Variants in SLC7A1 observed in about 807,000 individuals in gnomAD.
SLC7A1 encodes high affinity cationic amino acid transporter 1.
In SLC7A1, 10 loss-of-function variants were observed where a neutral mutation model predicts 53.9. The observed-to-expected ratio is 0.19, with a 90% CI of 0.11 to 0.31. The LOEUF (loss-of-function observed/expected upper bound fraction) is 0.31, where lower values mean the gene tolerates loss of function less well. Among genes scored for constraint, SLC7A1 ranks in the 10% least tolerant of loss-of-function variants. The pLI, the probability that SLC7A1 is intolerant of heterozygous loss-of-function variation, is 1.00. For synonymous variants in SLC7A1, 342 were observed against 338.7 expected (o/e 1.01, Z -0.11); for missense variants, 525 against 827.2 (o/e 0.63, Z 4.48).
chr13:29,580,279 A>G (rs1296284199), intron 1 of SLC7A1, among the ~76,000 whole-genome samples: 2 of 152,180 alleles, frequency 1.3e-5, no homozygotes, highest in Non-Finnish European at 1.5e-5. Context: ...AGTCCCCAGG[A>G]GGACTCCCGA....
intron 1 of SLC7A1, among the ~76,000 whole-genome samples, chr13:29,571,181 A>G (rs1017457788): frequency 2.0e-5 from 3 of 152,360 alleles, no homozygotes; most frequent in Middle Eastern, 3.4e-3. Flanking sequence ...GTATTTTGTA[A>G]TCACCAAAGT....
intron 2 of SLC7A1, among the ~76,000 whole-genome samples, chr13:29,544,865 A>AT (rs1431987137): frequency 1.4e-4 from 3 of 21,022 alleles, no homozygotes; most frequent in African/African-American, 1.9e-4. Flanking sequence ...CACCTGCCTC[A>AT]TCGGGGGGGG....
chr13:29,536,145 C>T lies in SLC7A1; in HGVS notation c.44G>A (p.Arg15Gln), dbSNP rs1416819925. ...VLLNIGQQML[R>Q]RKVVDCSREE... ...CCGGCTACAGTCCACCACCTTCCGC[C>T]GCAGCATCTGCTGCCCAATGTTGAG... The change falls in exon 3 of 13, where the codon CGG becomes CAG. Residue 15 changes from arginine (R) to glutamine (Q), a missense_variant. Physicochemically the swap from Arg to Gln is conservative, Grantham distance 43. This residue lies in a region of SLC7A1 where 354 missense variants were observed against 587.5 expected (regional missense o/e 0.60). Transcript: ENST00000380752. The T allele has an allele frequency of 5.0e-6, 8 of 1,613,842 alleles. No individual in the cohort carries two copies. Among genetic ancestry groups the T allele is most frequent in the East Asian group, 4.5e-5 (2 of 44,900 alleles).
intron 5 of SLC7A1, among the ~76,000 whole-genome samples, chr13:29,525,236 G>A (rs1303589626): frequency 6.6e-6 from 1 of 152,224 alleles, no homozygotes; most frequent in African/African-American, 2.4e-5. Context: ...ACTCCTTGTG[G>A]TTCAAGAAGG....
At chr13:29,585,871 AT>A in intron 1 of SLC7A1, among the ~76,000 whole-genome samples, 1 of 152,266 alleles carries the variant, frequency 6.6e-6, no homozygotes, top group Non-Finnish European at 1.5e-5. Context: ...GGGAAGCTGC[AT>A]TTTTAGATAA....
chr13:29,567,628 T>C (rs916424020), intron 1 of SLC7A1, among the ~76,000 whole-genome samples: 3 of 152,142 alleles, frequency 2.0e-5, no homozygotes, highest in Admixed American at 2.0e-4. Flanking sequence ...TCCTGGGTGT[T>C]TACAAGCTGC....
At chr13:29,531,704 C>A (rs192937753) in intron 4 of SLC7A1, among the ~76,000 whole-genome samples, 1 of 151,988 alleles carries the variant, frequency 6.6e-6, no homozygotes, top group East Asian at 1.9e-4. Context: ...TGTGGTGGTG[C>A]GTGTCTGTAA....
intron 11 of SLC7A1, chr13:29,516,856 C>G (rs767870718): frequency 3.0e-6 from 1 of 329,094 alleles, no homozygotes; most frequent in Non-Finnish European, 5.5e-6. Context: ...AAATAGATGC[C>G]GAATATCCAG....
chr13:29,590,092 G>A (rs1348344432), intron 1 of SLC7A1, among the ~76,000 whole-genome samples: 1 of 152,112 alleles, frequency 6.6e-6, no homozygotes. Context: ...CTTCGAACAC[G>A]TCCATAACAG....
chr13:29,554,059 G>A (rs1484635419), intron 1 of SLC7A1, among the ~76,000 whole-genome samples, 199 bp from the exon 2 acceptor site: 4 of 152,202 alleles, frequency 2.6e-5, no homozygotes, highest in African/African-American at 4.8e-5. Flanking sequence ...GAGAAGATGG[G>A]GAGCCAGAAT....
intron 1 of SLC7A1, among the ~76,000 whole-genome samples, chr13:29,571,885 T>C (rs928345734): frequency 2.6e-5 from 4 of 152,234 alleles, no homozygotes; most frequent in African/African-American, 9.6e-5. Flanking sequence ...GCATTTTTTG[T>C]TTTGCTCATC....
intron 1 of SLC7A1, among the ~76,000 whole-genome samples, chr13:29,566,599 T>C (rs139141366): frequency 2.6e-5 from 4 of 152,332 alleles, no homozygotes; most frequent in Non-Finnish European, 5.9e-5. Context: ...AGTGGTTGTG[T>C]ACGGCTTGGC....
chr13:29,556,228 T>C (rs1870433238), intron 1 of SLC7A1, among the ~76,000 whole-genome samples: 1 of 152,060 alleles, frequency 6.6e-6, no homozygotes, highest in African/African-American at 2.4e-5. Context: ...CTGGCAAATA[T>C]GTAAAACAAT....
rs529626000 is a variant in SLC7A1 at position 29,572,590 on chromosome 13, A to G, written c.-114-18730T>C. ...AATATGAAGGGAATGAGCCCAAGGTAACTCTGAAATCCTAAACTTGGATTT... is the reference window on the plus strand; with the variant it reads ...AATATGAAGGGAATGAGCCCAAGGTGACTCTGAAATCCTAAACTTGGATTT... On this transcript the variant is annotated intron_variant, in intron 1 of 12. Coordinates refer to ENST00000380752, the MANE Select transcript of SLC7A1 (RefSeq NM_003045.5). Among the ~76,000 whole-genome samples, 5 of 152,300 alleles carry G rather than the reference A, an allele frequency of 3.3e-5. No homozygotes were observed. In the South Asian group the frequency reaches 1.0e-3, roughly 32 times the overall value.
At chr13:29,533,878 G>A (rs140845017) in intron 3 of SLC7A1, among the ~76,000 whole-genome samples, 8 of 152,242 alleles carry the variant, frequency 5.3e-5, no homozygotes, top group South Asian at 2.1e-4. Context: ...TTTTCAAAGC[G>A]GGCCTTGTCG....
chr13:29,521,595 G>C (rs911952588), intron 8 of SLC7A1, among the ~76,000 whole-genome samples: 4 of 152,188 alleles, frequency 2.6e-5, no homozygotes, highest in Non-Finnish European at 5.9e-5. Context: ...GCGGGCGTCT[G>C]CCTCTCGGGG....
chr13:29,514,324 G>A lies in SLC7A1; in HGVS notation c.*156C>T. The A allele has an allele frequency of 4.9e-6, 3 of 615,432 alleles. No homozygotes were observed. In the South Asian group the frequency reaches 5.7e-5, roughly 12 times the overall value. The allele number at this position is 615,432 out of a possible 1,614,324, so 38.1% of individuals were successfully genotyped here. On this transcript the variant is annotated 3_prime_UTR_variant, in exon 13 of 13. Transcript: ENST00000380752. The stretch of plus-strand genomic sequence containing the variant: ...AGAACCGGCTGCAGAGCCGAGGGTG[G>A]GCTGGGGCTGCAGGTCAAGTAATTG...
At chr13:29,529,364 G>C (rs959479580) in intron 5 of SLC7A1, among the ~76,000 whole-genome samples, 16 of 152,214 alleles carry the variant, frequency 1.1e-4, no homozygotes, top group African/African-American at 3.9e-4. Flanking sequence ...GGGCATACGT[G>C]ACTGCTAAGA....
At chr13:29,522,561 T>A in intron 7 of SLC7A1, 105 bp from the exon 8 acceptor site, 2 of 1,284,048 alleles carry the variant, frequency 1.6e-6, no homozygotes, top group South Asian at 2.7e-5. Flanking sequence ...GAGTCTGAGC[T>A]CACCAAGAGC....
Sources: gnomAD v4.1 joint callset for allele counts (sites outside exome capture counted in the v4.1 genomes callset) on GRCh38, gnomAD v4.1.1 for gene constraint, gnomAD v4.1.1 regional missense constraint, MANE v1.5 for transcripts, NCBI Gene and HGNC (gene_info 2026-07-23, HGNC 2026-07-21) for gene names.